Variants in TCTN2 observed in about 807,000 individuals in gnomAD.
The protein encoded by TCTN2 is tectonic-2.
In TCTN2, 66 loss-of-function variants were observed where a neutral mutation model predicts 83.4. The ratio of observed to expected loss-of-function variants is 0.79; its 90% confidence interval spans 0.65 to 0.97. TCTN2 has a LOEUF of 0.97. Among genes scored for constraint, TCTN2 ranks in the 50% least tolerant of loss-of-function variants. The pLI is 0.00. For missense variants in TCTN2, 794 were observed against 858.1 expected, an observed-to-expected ratio of 0.93 and a Z score of 0.93; for synonymous variants, 301 against 326.7, an observed-to-expected ratio of 0.92 and a Z score of 0.85.
Position 123,671,619 on chromosome 12 carries a change from AG to A in TCTN2, c.190+6del. Reference sequence around the variant, plus strand: ...CAGTGCTGCAGGACGAGGCGGGTAAAGTCCGGCCCTCTTTTGGGGAGGGTGG... The same window carrying A: ...CAGTGCTGCAGGACGAGGCGGGTAAATCCGGCCCTCTTTTGGGGAGGGTGG... On this transcript the variant is annotated splice_donor_region_variant and intron_variant, in intron 2 of 17. Transcript: ENST00000303372. 6.2e-7 allele frequency: 1 copy of A among 1,610,292 alleles called. No individual in the cohort carries two copies. Among genetic ancestry groups the A allele is most frequent in the Non-Finnish European group, 8.5e-7 (1 of 1,179,358 alleles).
chr12:123,694,367 G>A (rs1321652258), intron 9 of TCTN2, among the ~76,000 whole-genome samples: 3 of 152,216 alleles, frequency 2.0e-5, no homozygotes, highest in Non-Finnish European at 2.9e-5. Flanking sequence ...GACCTCAGGT[G>A]ATCTGCCCAC....
chr12:123,705,505 T>G (rs563043837), intron 15 of TCTN2, among the ~76,000 whole-genome samples: 14 of 152,060 alleles, frequency 9.2e-5, no homozygotes, highest in Non-Finnish European at 1.8e-4. Context: ...TCATACTGAC[T>G]TAAGCAAAAA....
At chr12:123,678,600 AT>A (rs1955854158) in intron 4 of TCTN2, among the ~76,000 whole-genome samples, 1 of 151,520 alleles carries the variant, frequency 6.6e-6, no homozygotes, top group African/African-American at 2.4e-5. Flanking sequence ...AAATCAGTAC[AT>A]TATGTATATA....
At chr12:123,680,079 G>A (rs1157636878) in intron 5 of TCTN2, among the ~76,000 whole-genome samples, 2 of 151,854 alleles carry the variant, frequency 1.3e-5, no homozygotes, top group African/African-American at 4.8e-5. Flanking sequence ...TTTGGTGGGC[G>A]CAGTGGCGCA....
At chr12:123,689,504 T>G (rs545063868) in intron 7 of TCTN2, among the ~76,000 whole-genome samples, 4 of 152,276 alleles carry the variant, frequency 2.6e-5, no homozygotes, top group East Asian at 1.9e-4. Flanking sequence ...ATTCTTTGCT[T>G]CTTTTTCTTT....
chr12:123,697,216 G>T lies in TCTN2; in HGVS notation c.1505+18G>T. The T allele has an allele frequency of 1.3e-6, 2 of 1,529,924 alleles. No homozygotes were observed. Among genetic ancestry groups the T allele is most frequent in the South Asian group, 2.2e-5 (2 of 89,366 alleles). The allele number at this position is 1,529,924 out of a possible 1,614,324, so 94.8% of individuals were successfully genotyped here. ...CAGCTCAGGTGAGTGTTTCATTGAT[G>T]AATATATCGGCAATGTGAATGGTTT... On this transcript the variant is annotated intron_variant, in intron 13 of 17. Transcript: ENST00000303372.
At position 123,701,944 on chromosome 12, in the gene TCTN2, C is replaced by G. The variant is rs560219448; in HGVS notation, c.1612+2134C>G. ...AGACTTTAAAGCTTCTTCATCAGGC[C>G]TGATTTCACCTCTGAATCCAAAATA... On this transcript the variant is annotated intron_variant, in intron 14 of 17. Coordinates refer to ENST00000303372, the MANE Select transcript of TCTN2 (RefSeq NM_024809.5). Among the ~76,000 whole-genome samples the G allele has an allele frequency of 2.0e-5, 3 of 152,206 alleles. No homozygotes were observed. In the East Asian group the frequency reaches 5.8e-4, roughly 29 times the overall value.
chr12:123,679,453 C>T (rs1955867058), intron 5 of TCTN2, among the ~76,000 whole-genome samples, 164 bp downstream of exon 5: 1 of 152,128 alleles, frequency 6.6e-6, no homozygotes, highest in African/African-American at 2.4e-5. Context: ...CCTCGACCTC[C>T]CGGGCTCAAG....
In TCTN2 at chr12:123,671,594, C is replaced by T. The variant is rs1335349033; in HGVS notation, c.170C>T (p.Ala57Val). Residue 57 changes from alanine (A) to valine (V), a missense_variant, in exon 2 of 18, where the codon GCA becomes GTA. Transcript: ENST00000303372. ...ACCGAGGGTGTGACCGTGTCCCTGG[C>T]AGTGCTGCAGGACGAGGCGGGTAAA... ...GDTEGVTVSLAVLQDEAGILP... is the reference protein window; with the variant it reads ...GDTEGVTVSLVVLQDEAGILP... The T allele has an allele frequency of 1.9e-6, 3 of 1,613,124 alleles. No homozygotes were observed. The highest frequency in any genetic ancestry group is 2.7e-5 in the African/African-American group (2 of 74,904).
intron 6 of TCTN2, 152 bp downstream of exon 6, chr12:123,687,187 C>T: frequency 1.2e-6 from 1 of 861,870 alleles, no homozygotes; most frequent in Non-Finnish European, 1.9e-6. Context: ...TTCAGTTAGC[C>T]AATTTATTTT....
At chr12:123,673,866 G>A (rs962073526) in intron 4 of TCTN2, 56 bp downstream of exon 4, 29 of 1,556,192 alleles carry the variant, frequency 1.9e-5, no homozygotes, top group Non-Finnish European at 2.3e-5. Context: ...TACTTAGGAG[G>A]AAGAGGTAGG....
At chr12:123,697,526 G>A (rs1486759239) in intron 13 of TCTN2, among the ~76,000 whole-genome samples, 2 of 152,144 alleles carry the variant, frequency 1.3e-5, no homozygotes, top group Admixed American at 1.3e-4. Context: ...TTGAGATGAA[G>A]TCTCACTTTG....
chr12:123,677,314 CCTT>C (rs1271741111), intron 4 of TCTN2, among the ~76,000 whole-genome samples: 3 of 152,176 alleles, frequency 2.0e-5, no homozygotes, highest in Non-Finnish European at 2.9e-5. Flanking sequence ...GTATCATTGA[CCTT>C]CTGCTATGTT....
intron 4 of TCTN2, among the ~76,000 whole-genome samples, chr12:123,676,579 A>G (rs1955825400): frequency 1.3e-5 from 2 of 151,086 alleles, no homozygotes; most frequent in Admixed American, 1.3e-4. Context: ...AAAAAAAAAA[A>G]AAAAAAAAAA....
chr12:123,673,572 T>C (rs1955782189), intron 3 of TCTN2, 43 bp from the exon 4 acceptor site: 3 of 1,590,392 alleles, frequency 1.9e-6, no homozygotes, highest in Non-Finnish European at 2.6e-6. Context: ...TTATAGACCC[T>C]GTTTTGAGTC....
In TCTN2 at chr12:123,673,672, G is replaced by A. The variant is rs773010019; in HGVS notation, c.325G>A (p.Glu109Lys). ...KRGLDWCSSN[E>K]TDSFSESPCI... ...AGGTCTGGACTGGTGTTCCTCCAAT[G>A]AGACAGATTCCTTCTCAGAGTCCCC... The change falls in exon 4 of 18, where the codon GAG becomes AAG. Residue 109 changes from glutamate (E) to lysine (K), a missense_variant. Transcript: ENST00000303372. 69 of 1,614,110 alleles carry A rather than the reference G, an allele frequency of 4.3e-5. No homozygotes were observed. The highest frequency in any genetic ancestry group is 5.2e-5 in the Non-Finnish European group (61 of 1,180,058).
Position 123,706,848 on chromosome 12 carries a change from C to T in TCTN2, c.1892C>T (p.Thr631Ile), listed in dbSNP as rs752018832. The T allele has an allele frequency of 6.2e-7, 1 of 1,614,012 alleles. No homozygotes were observed. Among genetic ancestry groups the T allele is most frequent in the African/African-American group, 1.3e-5 (1 of 74,904 alleles). ...KIPAQLPHPL[T>I]RFQINYTEYD... ...CCTGCACAGTTACCCCACCCCCTGA[C>T]AAGGTACTCCAGTTGCTCACCTAGT... Residue 631 changes from threonine (T) to isoleucine (I), a missense_variant, in exon 16 of 18, where the codon ACA becomes ATA. Transcript: ENST00000303372.
At chr12:123,706,396 T>A (rs1467230697) in intron 15 of TCTN2, among the ~76,000 whole-genome samples, 1 of 152,158 alleles carries the variant, frequency 6.6e-6, no homozygotes, top group Non-Finnish European at 1.5e-5. Flanking sequence ...TATTATATTG[T>A]TTGAGAAAAA....
At chr12:123,674,501 C>T (rs1242619867) in intron 4 of TCTN2, among the ~76,000 whole-genome samples, 1 of 152,182 alleles carries the variant, frequency 6.6e-6, no homozygotes, top group Non-Finnish European at 1.5e-5. Flanking sequence ...ATCTCCTGAC[C>T]TTGTGATCCG....
Sources: allele counts gnomAD v4.1 joint callset (sites outside exome capture counted in the v4.1 genomes callset), GRCh38; gene constraint gnomAD v4.1.1; transcripts MANE v1.5; gene names NCBI Gene and HGNC (gene_info 2026-07-23, HGNC 2026-07-21).